The following ANTXRL variants were observed in gnomAD, a reference collection of about 807,000 sequenced individuals.
ANTXRL encodes the protein anthrax toxin receptor-like.
ANTXRL carries 63 observed loss-of-function variants against 75.4 expected under a neutral mutation model. That is an observed-to-expected ratio of 0.84 (90% CI 0.68 to 1.03). The LOEUF (loss-of-function observed/expected upper bound fraction) is 1.03. ANTXRL is among the 50% of genes least tolerant of loss of function. The probability of loss-of-function intolerance (pLI) is 0.00; values close to 1 mark genes in which losing one functional copy is unlikely to be tolerated. For missense variants in ANTXRL, 797 were observed against 789.4 expected, an observed-to-expected ratio of 1.01 and a Z score of -0.12; for synonymous variants, 335 against 291.3, an observed-to-expected ratio of 1.15 and a Z score of -1.53.
chr10:46,320,319 G>C (rs1838921290), intron 16 of ANTXRL, among the ~76,000 whole-genome samples: 1 of 152,208 alleles, frequency 6.6e-6, no homozygotes, highest in Admixed American at 6.5e-5. Context: ...TTTGTAGCCA[G>C]ACAGACCTCC....
At chr10:46,308,663 A>T (rs1353453551) in intron 12 of ANTXRL, 5 of 347,260 alleles carry the variant, frequency 1.4e-5, no homozygotes, top group Non-Finnish European at 2.3e-5. Flanking sequence ...TTCCCTTTGC[A>T]CAGGTGTGGA....
intron 16 of ANTXRL, among the ~76,000 whole-genome samples, chr10:46,320,818 A>C (rs1408551560): frequency 6.6e-6 from 1 of 152,138 alleles, no homozygotes; most frequent in Admixed American, 6.6e-5. Context: ...AAGGTATATA[A>C]CCACATTTAG....
intron 16 of ANTXRL, among the ~76,000 whole-genome samples, chr10:46,328,605 C>T (rs185766387): frequency 6.6e-6 from 1 of 152,194 alleles, no homozygotes; most frequent in East Asian, 1.9e-4. Flanking sequence ...CATTTTACAA[C>T]TGAGCACATT....
In ANTXRL at chr10:46,287,180, C is replaced by T. The variant is rs1836797975; in HGVS notation, c.-83C>T. The T allele has an allele frequency of 6.8e-7, 1 of 1,475,742 alleles. No homozygotes were observed. Among genetic ancestry groups the T allele is most frequent in the Non-Finnish European group, 8.9e-7 (1 of 1,119,922 alleles). 91.4% of individuals were successfully genotyped at this position (1,475,742 alleles called of 1,614,324 possible). On this transcript the variant is annotated 5_prime_UTR_variant, in exon 1 of 17. Coordinates refer to ENST00000620264, the MANE Select transcript of ANTXRL (RefSeq NM_001278688.3). The stretch of plus-strand genomic sequence containing the variant: ...TGGCCCCGGGCATAAGGGGAGGCGG[C>T]AAAGAAGGGGCCTGTGCTCAGCCTC...
At chr10:46,305,448 T>C (rs1838015970) in intron 10 of ANTXRL, among the ~76,000 whole-genome samples, 1 of 152,202 alleles carries the variant, frequency 6.6e-6, no homozygotes, top group South Asian at 2.1e-4. Context: ...AGAGAAAGCC[T>C]TTTAAAGGAA....
Position 46,306,824 on chromosome 10 carries a change from A to G in ANTXRL, c.917A>G (p.Asp306Gly). The change falls in exon 11 of 17, where the codon GAC (aspartate) becomes GGC (glycine). Residue 306 changes from aspartate to glycine, a missense_variant. By Grantham distance (94) the Asp-to-Gly change is moderately conservative. This residue lies in a region of ANTXRL where 479 missense variants were observed against 422.0 expected (regional missense o/e 1.14). Coordinates refer to ENST00000620264, the MANE Select transcript of ANTXRL (RefSeq NM_001278688.3). The part of the protein sequence containing the change: ...TIIDEKPTSI[D>G]NNSMNCPGPK... ...TTAGATGAAAAGCCAACCAGTATCGACAATAATTCCATGAATTGCCCTGGG... is the reference window on the plus strand; with the variant it reads ...TTAGATGAAAAGCCAACCAGTATCGGCAATAATTCCATGAATTGCCCTGGG... 6.5e-7 allele frequency: 1 copy of G among 1,528,222 alleles called. No homozygotes were observed. Among genetic ancestry groups the G allele is most frequent in the Non-Finnish European group, 8.7e-7 (1 of 1,143,844 alleles). 94.7% of individuals were successfully genotyped at this position (1,528,222 alleles called of 1,614,324 possible).
At chr10:46,306,718 C>G in intron 10 of ANTXRL, 85 bp from the exon 11 acceptor site, 1 of 1,207,626 alleles carries the variant, frequency 8.3e-7, no homozygotes, top group Non-Finnish European at 1.1e-6. Context: ...GCCACAGGGT[C>G]AGCCCTGCAT....
chr10:46,291,960 GC>G, intron 1 of ANTXRL, 97 bp from the exon 2 acceptor site: 1 of 1,134,556 alleles, frequency 8.8e-7, no homozygotes, highest in Non-Finnish European at 1.3e-6. Flanking sequence ...GGTCAGGAGA[GC>G]TTGTTAAGAG....
intron 9 of ANTXRL, among the ~76,000 whole-genome samples, chr10:46,301,833 G>C (rs10906944): frequency 6.6e-6 from 1 of 152,040 alleles, no homozygotes; most frequent in Admixed American, 6.5e-5. Context: ...GACCGGGGGC[G>C]CCCCAAGCAT....
chr10:46,313,612 C>T (rs1227046335), intron 16 of ANTXRL, among the ~76,000 whole-genome samples: 2 of 152,122 alleles, frequency 1.3e-5, no homozygotes, highest in Non-Finnish European at 2.9e-5. Flanking sequence ...TGGTTCATTG[C>T]CTTGGGACCA....
intron 2 of ANTXRL, chr10:46,292,841 A>C (rs1456065802): frequency 1.3e-5 from 2 of 153,142 alleles, no homozygotes; most frequent in African/African-American, 4.8e-5. Context: ...GGCAGGAGCC[A>C]TGGGGAGCTC....
intron 9 of ANTXRL, 94 bp from the exon 10 acceptor site, chr10:46,302,628 C>A (rs57149643): frequency 0.2 from 167,833 of 842,862 alleles, 13,058 homozygotes; most frequent in East Asian, 0.26. Flanking sequence ...TCTGTGAATT[C>A]GGTTTTGGGG....
At chr10:46,302,862 C>T in intron 10 of ANTXRL, 42 bp downstream of exon 10, 14 of 1,398,358 alleles carry the variant, frequency 1.0e-5, no homozygotes, top group Non-Finnish European at 1.4e-5. Flanking sequence ...GTATTTCCCA[C>T]ACAATGCTGC....
chr10:46,293,303 T>C (rs115672802), intron 2 of ANTXRL, among the ~76,000 whole-genome samples: 3 of 74,234 alleles, frequency 4.0e-5, no homozygotes, highest in African/African-American at 1.4e-4. Flanking sequence ...TGTGCCTGTG[T>C]GTGTGTGCGT....
intron 2 of ANTXRL, among the ~76,000 whole-genome samples, chr10:46,293,595 CT>C (rs1837187192): frequency 8.0e-6 from 1 of 124,318 alleles, no homozygotes; most frequent in African/African-American, 2.7e-5. Context: ...GTGCAAGTGT[CT>C]TTGGGGTGTT....
intron 16 of ANTXRL, among the ~76,000 whole-genome samples, chr10:46,322,302 T>TA (rs373238166): frequency 1.5e-3 from 227 of 151,940 alleles, no homozygotes; most frequent in Non-Finnish European, 2.3e-3. Flanking sequence ...ATTAAAAATA[T>TA]AAAAAATTAG....
At chr10:46,295,305 GC>G (rs2132675742) in intron 3 of ANTXRL, among the ~76,000 whole-genome samples, 1 of 152,294 alleles carries the variant, frequency 6.6e-6, no homozygotes, top group East Asian at 1.9e-4. Context: ...CCCAAATGCA[GC>G]CCTACCTGTT....
chr10:46,330,077 A>G lies in ANTXRL; in HGVS notation c.1889A>G (p.Asn630Ser). ...TTGTCACTCCCCCCCTCAGAGCCCA[A>G]CTTCTAAGGCACCAAACACCCAAGA... ...PPLSLPPSEP[N>S]F Residue 630 changes from asparagine to serine, a missense_variant, in exon 17 of 17, where the codon AAC (asparagine) becomes AGC (serine). Transcript: ENST00000620264. The G allele has an allele frequency of 6.8e-7, 1 of 1,475,706 alleles. No homozygotes were observed. The highest frequency in any genetic ancestry group is 9.1e-7 in the Non-Finnish European group (1 of 1,104,266). The allele number at this position is 1,475,706 out of a possible 1,614,324, so 91.4% of individuals were successfully genotyped here. A position where few individuals can be genotyped will look rare whatever the true frequency, so the allele number is the denominator to read the frequency against.
At chr10:46,323,806 T>C (rs1839088979) in intron 16 of ANTXRL, among the ~76,000 whole-genome samples, 1 of 152,122 alleles carries the variant, frequency 6.6e-6, no homozygotes, top group East Asian at 1.9e-4. Flanking sequence ...ATAAGGCCAG[T>C]TTCATGGTTA....
Sources: allele counts gnomAD v4.1 joint callset (sites outside exome capture counted in the v4.1 genomes callset), GRCh38; gene constraint gnomAD v4.1.1; regional missense constraint gnomAD v4.1.1; transcripts MANE v1.5; gene names NCBI Gene and HGNC (gene_info 2026-07-23, HGNC 2026-07-21).